ZNF385B: variants seen among roughly 807,000 people sequenced by gnomAD.
The protein encoded by ZNF385B is zinc finger protein 533.
In ZNF385B, 23 loss-of-function variants were observed where a neutral mutation model predicts 39.2. The ratio of observed to expected loss-of-function variants is 0.59; its 90% CI spans 0.42 to 0.83. The LOEUF (loss-of-function observed/expected upper bound fraction) is 0.83. Among genes scored for constraint, ZNF385B ranks in the 40% least tolerant of loss-of-function variants. ZNF385B has a pLI of 0.00. For synonymous variants in ZNF385B, 205 were observed against 222.6 expected, an observed-to-expected ratio of 0.92 and a Z score of 0.70; for missense variants, 552 against 598.9, an observed-to-expected ratio of 0.92 and a Z score of 0.82.
rs150317167 is a variant in ZNF385B at position 179,463,427 on chromosome 2, A to G, written c.716-16657T>C. Among the ~76,000 whole-genome samples the G allele has an allele frequency of 3.5e-3, 534 of 152,208 alleles. 9 individuals are homozygous for G. The East Asian group carries it at 0.04, about 11-fold the overall frequency. On this transcript the variant is annotated intron_variant, in intron 6 of 9. Coordinates refer to ENST00000410066, the MANE Select transcript of ZNF385B (RefSeq NM_152520.6). ...GTGCAGTTTTGTTACGTAGGTATACATGTGCCATGGTGGTTTGCTGCACCC... is the reference window on the plus strand; with the variant it reads ...GTGCAGTTTTGTTACGTAGGTATACGTGTGCCATGGTGGTTTGCTGCACCC...
At chr2:179,810,033 G>A (rs954323296) in intron 1 of ZNF385B, among the ~76,000 whole-genome samples, 1 of 151,950 alleles carries the variant, frequency 6.6e-6, no homozygotes, top group African/African-American at 2.4e-5. Context: ...ATTGATATAT[G>A]TCAGTAATCT....
intron 3 of ZNF385B, among the ~76,000 whole-genome samples, chr2:179,728,737 T>G (rs1360917114): frequency 1.3e-5 from 2 of 152,112 alleles, no homozygotes; most frequent in Admixed American, 6.6e-5. Context: ...TAGGGAAGAC[T>G]TTGGGACAGG....
chr2:179,740,130 T>C (rs1702002365), intron 3 of ZNF385B, among the ~76,000 whole-genome samples: 1 of 152,102 alleles, frequency 6.6e-6, no homozygotes, highest in Admixed American at 6.6e-5. Context: ...CACCCAAGAA[T>C]CCTGAGTAAA....
At chr2:179,716,236 G>A (rs1268593525) in intron 3 of ZNF385B, among the ~76,000 whole-genome samples, 1 of 152,156 alleles carries the variant, frequency 6.6e-6, no homozygotes, top group African/African-American at 2.4e-5. Flanking sequence ...TTAAGTAAGA[G>A]GAGAGGCATC....
intron 1 of ZNF385B, among the ~76,000 whole-genome samples, chr2:179,778,191 A>T (rs1345905250): frequency 6.6e-6 from 1 of 152,226 alleles, no homozygotes; most frequent in African/African-American, 2.4e-5. Flanking sequence ...TCTTCTTTAT[A>T]TGAGGAAGTC....
intron 1 of ZNF385B, among the ~76,000 whole-genome samples, chr2:179,798,353 G>T (rs1705811129): frequency 6.6e-6 from 1 of 151,898 alleles, no homozygotes; most frequent in Non-Finnish European, 1.5e-5. Flanking sequence ...CTACAAGTCT[G>T]GTGGCTAGGA....
intron 1 of ZNF385B, among the ~76,000 whole-genome samples, chr2:179,790,203 G>A (rs1166722220): frequency 6.6e-6 from 1 of 152,132 alleles, no homozygotes; most frequent in Non-Finnish European, 1.5e-5. Context: ...TTGAAAAGAG[G>A]AAATATTTGC....
At chr2:179,753,581 T>C (rs116406065) in intron 3 of ZNF385B, among the ~76,000 whole-genome samples, 5,916 of 152,346 alleles carry the variant, frequency 0.039, 177 homozygotes, top group Non-Finnish European at 0.059. Flanking sequence ...CATGGAATTC[T>C]TCCATTTGTT....
rs151100102 is a variant in ZNF385B at position 179,798,760 on chromosome 2, G to A, written c.-154-28088C>T. Among the ~76,000 whole-genome samples the A allele has an allele frequency of 1.5e-3, 231 of 152,072 alleles. 1 individual carries two copies. Among genetic ancestry groups the A allele is most frequent in the African/African-American group, 5.3e-3 (218 of 41,466 alleles). ...TTAAAGCTTTAAGAAGCTCTTTTCC[G>A]TGTGGTATGCCATGTACTTGTTACA... On this transcript the variant is annotated intron_variant, in intron 1 of 9. Transcript: ENST00000410066.
chr2:179,802,856 T>C (rs1706118742), intron 1 of ZNF385B, among the ~76,000 whole-genome samples: 1 of 152,126 alleles, frequency 6.6e-6, no homozygotes, highest in South Asian at 2.1e-4. Context: ...CTTTTACTGC[T>C]ACCCAAAAGG....
At chr2:179,480,169 T>C (rs967673140) in intron 6 of ZNF385B, among the ~76,000 whole-genome samples, 1 of 152,192 alleles carries the variant, frequency 6.6e-6, no homozygotes, top group Non-Finnish European at 1.5e-5. Context: ...AGATACTACT[T>C]AAGCCCACTT....
intron 1 of ZNF385B, chr2:179,860,766 C>A: frequency 4.3e-6 from 2 of 460,636 alleles, no homozygotes; most frequent in South Asian, 3.1e-5. Context: ...GCGGGGCACT[C>A]TCCTCGTCCT....
chr2:179,759,834 T>C (rs1703259720), intron 3 of ZNF385B, among the ~76,000 whole-genome samples: 1 of 152,170 alleles, frequency 6.6e-6, no homozygotes, highest in Admixed American at 6.5e-5. Flanking sequence ...CTCTGTAAAA[T>C]AGGAACTTGG....
intron 4 of ZNF385B, among the ~76,000 whole-genome samples, chr2:179,530,195 CA>C (rs1196944828): frequency 1.3e-5 from 2 of 152,062 alleles, no homozygotes; most frequent in Non-Finnish European, 2.9e-5. Flanking sequence ...AAACAATCCC[CA>C]AAATTGTCCT....
At chr2:179,497,379 G>A (rs762494093) in intron 5 of ZNF385B, among the ~76,000 whole-genome samples, 1 of 151,954 alleles carries the variant, frequency 6.6e-6, no homozygotes, top group African/African-American at 2.4e-5. Flanking sequence ...GATATAAATA[G>A]AAACAACAAA....
intron 3 of ZNF385B, among the ~76,000 whole-genome samples, chr2:179,614,400 A>G (rs1230216970): frequency 9.9e-5 from 15 of 152,212 alleles, no homozygotes. Flanking sequence ...ATCATAAATG[A>G]ATGAATTTTC....
intron 1 of ZNF385B, among the ~76,000 whole-genome samples, chr2:179,802,967 T>C (rs1338692363): frequency 6.6e-6 from 1 of 152,192 alleles, no homozygotes; most frequent in African/African-American, 2.4e-5. Flanking sequence ...AGCTAAGCCT[T>C]ATTTACATAT....
chr2:179,756,096 A>C (rs1402906980), intron 3 of ZNF385B, among the ~76,000 whole-genome samples: 1 of 152,000 alleles, frequency 6.6e-6, no homozygotes, highest in Non-Finnish European at 1.5e-5. Flanking sequence ...ACAATTTGGC[A>C]TGTTTTTGTA....
At chr2:179,448,859 G>A (rs1023974444) in intron 6 of ZNF385B, among the ~76,000 whole-genome samples, 2 of 152,040 alleles carry the variant, frequency 1.3e-5, no homozygotes, top group African/African-American at 4.8e-5. Context: ...CAGTTGCTTT[G>A]TTTTACAATT....
Sources: gnomAD v4.1 joint callset for allele counts (sites outside exome capture counted in the v4.1 genomes callset) on GRCh38, gnomAD v4.1.1 for gene constraint, MANE v1.5 for transcripts, NCBI Gene and HGNC (gene_info 2026-07-23, HGNC 2026-07-21) for gene names.